The following MGAT4D variants were observed in gnomAD, a reference collection of about 807,000 sequenced individuals.
MGAT4D encodes the protein MGAT4 family member D.
A neutral mutation model predicts 15.9 loss-of-function variants in MGAT4D; 34 were observed. That is an observed-to-expected ratio of 2.14 (90% CI 1.62 to 2.84). MGAT4D has a LOEUF of 2.84. MGAT4D is among the 30% of genes most tolerant of loss of function. The pLI is 0.00. For missense variants in MGAT4D, 327 were observed against 140.2 expected (o/e 2.33, Z -6.73); for synonymous variants, 112 against 48.2 (o/e 2.33, Z -5.49).
chr4:140,481,580 A>G (rs188209216), intron 2 of MGAT4D, among the ~76,000 whole-genome samples: 1 of 152,210 alleles, frequency 6.6e-6, no homozygotes, highest in African/African-American at 2.4e-5. Context: ...AACTGGTGAG[A>G]GGATAAACAA....
chr4:140,454,007 G>GATGT, intron 9 of MGAT4D, among the ~76,000 whole-genome samples: 1 of 140,784 alleles, frequency 7.1e-6, no homozygotes, highest in East Asian at 2.4e-4. Context: ...TCAGTTCTAG[G>GATGT]ATGTATGTGT....
intron 1 of MGAT4D, 56 bp from the exon 2 acceptor site, chr4:140,482,541 T>G (rs1732814200): frequency 3.6e-6 from 2 of 560,988 alleles, no homozygotes; most frequent in South Asian, 2.4e-5. Context: ...TCACACAATT[T>G]TCTATAATAG....
chr4:140,490,488 C>G (rs1187521307), intron 1 of MGAT4D, among the ~76,000 whole-genome samples: 2 of 152,162 alleles, frequency 1.3e-5, no homozygotes, highest in Non-Finnish European at 2.9e-5. Flanking sequence ...AAATTTGCCT[C>G]AACATACCTT....
At chr4:140,472,654 G>A (rs1341272355) in intron 4 of MGAT4D, among the ~76,000 whole-genome samples, 1 of 152,080 alleles carries the variant, frequency 6.6e-6, no homozygotes, top group African/African-American at 2.4e-5. Context: ...GAAACATATT[G>A]TATTTTAAAC....
chr4:140,480,728 A>AACACAC lies in MGAT4D; in HGVS notation c.254-1107_254-1102dup, dbSNP rs10615827. Among the ~76,000 whole-genome samples the AACACAC allele has an allele frequency of 1.8e-3, 227 of 125,686 alleles. 7 individuals are homozygous for AACACAC. The highest frequency in any genetic ancestry group is 1.9e-3 in the Admixed American group (24 of 12,522). The allele number at this position is 125,686 out of a possible 152,430, so 82.5% of individuals were successfully genotyped here. A position where few individuals can be genotyped will look rare whatever the true frequency, so the allele number is the denominator to read the frequency against. The stretch of plus-strand genomic sequence containing the variant: ...CAATATAGCAAGACCCTCATCTCTA[A>AACACAC]ACACACACACACACACACACACACA... On this transcript the variant is annotated intron_variant, in intron 2 of 10. Coordinates refer to ENST00000511113, the MANE Select transcript of MGAT4D (RefSeq NM_001277353.2).
chr4:140,482,250 A>C (rs979549036), intron 2 of MGAT4D, 77 bp downstream of exon 2: 14 of 553,854 alleles, frequency 2.5e-5, no homozygotes, highest in African/African-American at 3.9e-5. Flanking sequence ...GTTTATAGAG[A>C]GAAGAGGCCC....
chr4:140,453,305 T>C (rs1730588358), intron 9 of MGAT4D, among the ~76,000 whole-genome samples: 1 of 152,052 alleles, frequency 6.6e-6, no homozygotes, highest in Non-Finnish European at 1.5e-5. Context: ...CCTGCTGAGA[T>C]TTTGATTAGA....
intron 5 of MGAT4D, among the ~76,000 whole-genome samples, chr4:140,470,983 C>T (rs1430627430): frequency 6.6e-6 from 1 of 151,872 alleles, no homozygotes; most frequent in African/African-American, 2.4e-5. Flanking sequence ...CTCCCAGGCA[C>T]TGGCAATCCT....
Position 140,482,493 on chromosome 4 carries a change from G to A in MGAT4D, c.95-8C>T. 1.6e-6 allele frequency: 1 copy of A among 622,040 alleles called. No homozygotes were observed. The highest frequency in any genetic ancestry group is 2.8e-6 in the Non-Finnish European group (1 of 354,910). 38.5% of individuals were successfully genotyped at this position (622,040 alleles called of 1,614,324 possible). ...AGTTAATTAATTGATTATCTGCAAT[G>A]AAAACATATGTATATATTTGTACAT... is the stretch of plus-strand genomic sequence containing the variant. On this transcript the variant is annotated splice_polypyrimidine_tract_variant and splice_region_variant and intron_variant, in intron 1 of 10. Coordinates refer to ENST00000511113, the MANE Select transcript of MGAT4D (RefSeq NM_001277353.2).
At chr4:140,451,385 C>T in intron 10 of MGAT4D, 25 bp downstream of exon 10, 1 of 572,754 alleles carries the variant, frequency 1.7e-6, no homozygotes, top group Non-Finnish European at 3.1e-6. Context: ...TTGTATGTTA[C>T]TAAAGTTACA....
intron 10 of MGAT4D, among the ~76,000 whole-genome samples, chr4:140,446,123 G>GT (rs199628385): frequency 0.45 from 31,556 of 69,960 alleles, 3,467 homozygotes; most frequent in East Asian, 0.55. Flanking sequence ...TTGGCCTGAA[G>GT]TTTTTTTGTT....
chr4:140,469,133 T>C (rs926230301), intron 5 of MGAT4D, among the ~76,000 whole-genome samples: 2 of 152,232 alleles, frequency 1.3e-5, no homozygotes, highest in African/African-American at 4.8e-5. Context: ...TCAGTTGAAC[T>C]TACTGATAAT....
chr4:140,467,570 A>G (rs1731623856), intron 5 of MGAT4D, among the ~76,000 whole-genome samples: 1 of 152,092 alleles, frequency 6.6e-6, no homozygotes, highest in Non-Finnish European at 1.5e-5. Flanking sequence ...GTTTTATTCA[A>G]TCTGTTTTAA....
intron 8 of MGAT4D, chr4:140,458,498 T>A (rs1730955698): frequency 6.6e-6 from 1 of 152,152 alleles, no homozygotes; most frequent in Non-Finnish European, 1.5e-5. Flanking sequence ...GATCATGGGA[T>A]TGTTGACGTA....
chr4:140,452,359 T>C (rs542617610), intron 9 of MGAT4D, among the ~76,000 whole-genome samples: 137 of 152,246 alleles, frequency 9.0e-4, no homozygotes, highest in African/African-American at 3.2e-3. Flanking sequence ...TACTAATACA[T>C]AGGAAATATT....
chr4:140,463,378 A>G (rs942753969), intron 6 of MGAT4D, among the ~76,000 whole-genome samples: 1 of 152,056 alleles, frequency 6.6e-6, no homozygotes, highest in Admixed American at 6.6e-5. Context: ...AAATGCAGAT[A>G]TGAGCACAGA....
chr4:140,445,130 C>T (rs1475983623), intron 10 of MGAT4D, among the ~76,000 whole-genome samples: 1 of 152,104 alleles, frequency 6.6e-6, no homozygotes, highest in East Asian at 1.9e-4. Flanking sequence ...GGTGATCCAC[C>T]CACCTCAGCC....
chr4:140,461,087 G>A (rs1731143768), intron 7 of MGAT4D, among the ~76,000 whole-genome samples: 1 of 152,216 alleles, frequency 6.6e-6, no homozygotes, highest in African/African-American at 2.4e-5. Flanking sequence ...TATATATTAT[G>A]CATAATCTGT....
At chr4:140,481,394 T>C (rs1732721345) in intron 2 of MGAT4D, among the ~76,000 whole-genome samples, 1 of 152,210 alleles carries the variant, frequency 6.6e-6, no homozygotes, top group African/African-American at 2.4e-5. Context: ...TGGAAAACAG[T>C]ATGGCAGTTT....
Sources: gnomAD v4.1 joint callset for allele counts (sites outside exome capture counted in the v4.1 genomes callset) on GRCh38, gnomAD v4.1.1 for gene constraint, MANE v1.5 for transcripts, NCBI Gene and HGNC (gene_info 2026-07-23, HGNC 2026-07-21) for gene names.